EXOC4: variants seen among roughly 807,000 people sequenced by gnomAD.
EXOC4 encodes the protein exocyst complex component 4, also known as SEC8-like 1.
In EXOC4, 71 loss-of-function variants were observed where a neutral mutation model predicts 107.2. The ratio of observed to expected loss-of-function variants is 0.66; its 90% CI spans 0.55 to 0.81. The LOEUF (loss-of-function observed/expected upper bound fraction) is 0.81. EXOC4 is among the 30% of genes least tolerant of loss of function. EXOC4 has a pLI of 0.00. For synonymous variants in EXOC4, 456 were observed against 441.2 expected (o/e 1.03, Z -0.42); for missense variants, 1,108 against 1,189.6 (o/e 0.93, Z 1.01).
chr7:133,432,003 T>A (rs552991434), intron 7 of EXOC4, among the ~76,000 whole-genome samples: 1 of 152,302 alleles, frequency 6.6e-6, no homozygotes, highest in South Asian at 2.1e-4. Flanking sequence ...GATTGATACC[T>A]GGTATTTAAA....
intron 5 of EXOC4, among the ~76,000 whole-genome samples, chr7:133,345,709 C>CACTTTCACGT (rs1438336094): frequency 2.3e-4 from 35 of 152,268 alleles, no homozygotes; most frequent in Middle Eastern, 3.4e-3. Context: ...CCTCTTGGCC[C>CACTTTCACGT]ACTTTCACGT....
intron 10 of EXOC4, among the ~76,000 whole-genome samples, chr7:133,706,396 TATTTAC>T (rs1562917163): frequency 1.3e-5 from 2 of 152,228 alleles, no homozygotes; most frequent in African/African-American, 4.8e-5. Flanking sequence ...TTTGTACTTA[TATTTAC>T]ATTTATACAC....
chr7:133,445,100 C>G (rs1387696759), intron 7 of EXOC4, among the ~76,000 whole-genome samples: 1 of 151,990 alleles, frequency 6.6e-6, no homozygotes, highest in Non-Finnish European at 1.5e-5. Flanking sequence ...CAAGTTCCTC[C>G]TGTCATGTAC....
chr7:133,523,140 T>G (rs1181212314), intron 9 of EXOC4, among the ~76,000 whole-genome samples: 1 of 152,178 alleles, frequency 6.6e-6, no homozygotes, highest in Non-Finnish European at 1.5e-5. Context: ...TGCTTGAGAC[T>G]GCCCCCTTCT....
rs969219889 is a variant in EXOC4, at chr7:133,433,452, T to C, written c.1183-41876T>C. On this transcript the variant is annotated intron_variant, in intron 7 of 17. Coordinates refer to ENST00000253861, the MANE Select transcript of EXOC4 (RefSeq NM_021807.4). ...AGAAGAACATGCTTCTAGTAGCTGCTAATTCAAGAAGGATGAAAAGCACTG... is the reference window on the plus strand; with the variant it reads ...AGAAGAACATGCTTCTAGTAGCTGCCAATTCAAGAAGGATGAAAAGCACTG... Among the ~76,000 whole-genome samples, 49 of 152,240 alleles carry C rather than the reference T, an allele frequency of 3.2e-4. 2 individuals carry two copies. Among genetic ancestry groups the C allele is most frequent in the African/African-American group, 1.2e-3 (49 of 41,454 alleles).
chr7:133,669,603 C>T (rs941126478), intron 10 of EXOC4, among the ~76,000 whole-genome samples: 1 of 149,280 alleles, frequency 6.7e-6, no homozygotes, highest in African/African-American at 2.5e-5. Flanking sequence ...CTGTGTTTAA[C>T]ATGTGAGAAG....
intron 17 of EXOC4, among the ~76,000 whole-genome samples, chr7:134,058,074 A>G (rs933596736): frequency 5.9e-5 from 9 of 152,124 alleles, no homozygotes; most frequent in Admixed American, 1.3e-4. Flanking sequence ...CCCTGTTATT[A>G]TCATAGATAC....
chr7:133,628,010 A>T (rs1442964037), intron 9 of EXOC4, among the ~76,000 whole-genome samples: 2 of 152,180 alleles, frequency 1.3e-5, no homozygotes, highest in East Asian at 3.9e-4. Flanking sequence ...TAAGATAGAT[A>T]ATAAATCAAG....
At chr7:133,929,688 C>T (rs537074288) in intron 13 of EXOC4, among the ~76,000 whole-genome samples, 9 of 152,158 alleles carry the variant, frequency 5.9e-5, no homozygotes, top group Non-Finnish European at 1.2e-4. Flanking sequence ...AAACATAGTA[C>T]CCGATGGGTA....
intron 7 of EXOC4, among the ~76,000 whole-genome samples, chr7:133,452,878 C>T (rs1584928978): frequency 6.6e-6 from 1 of 151,964 alleles, no homozygotes; most frequent in Admixed American, 6.6e-5. Context: ...TTGTGGAATT[C>T]GATAGTCCAT....
chr7:134,064,834 T>C lies in EXOC4; in HGVS notation c.*306T>C, dbSNP rs1796148375. 5.5e-6 allele frequency: 1 copy of C among 181,860 alleles called. No individual in the cohort carries two copies. Among genetic ancestry groups the C allele is most frequent in the Non-Finnish European group, 1.1e-5 (1 of 87,482 alleles). 11.3% of individuals were successfully genotyped at this position (181,860 alleles called of 1,614,324 possible). ...AAAACAAGTGGATGGATTACTAATA[T>C]TTGATTTATTACTCAATATATATAT... is the stretch of plus-strand genomic sequence containing the variant. On this transcript the variant is annotated 3_prime_UTR_variant, in exon 18 of 18. Coordinates refer to ENST00000253861, the MANE Select transcript of EXOC4 (RefSeq NM_021807.4).
At position 133,331,461 on chromosome 7, in the gene EXOC4, CTTTTTTTTTTT is replaced by C. The variant is rs58568173; in HGVS notation, c.763+14084_763+14094del. Among the ~76,000 whole-genome samples, 60 of 85,602 alleles carry C rather than the reference CTTTTTTTTTTT, an allele frequency of 7.0e-4. 1 individual carries two copies. The East Asian group carries it at 0.011, about 15-fold the overall frequency. The allele number at this position is 85,602 out of a possible 152,430, so 56.2% of individuals were successfully genotyped here. ...TCAGGTATTATCTTCTTTCTTTTTT[CTTTTTTTTTTT>C]TTTTTTTTTTTTGAGATGGAGTCTC... On this transcript the variant is annotated intron_variant, in intron 5 of 17. Coordinates refer to ENST00000253861, the MANE Select transcript of EXOC4 (RefSeq NM_021807.4).
intron 10 of EXOC4, among the ~76,000 whole-genome samples, chr7:133,654,106 T>C (rs1028035999): frequency 6.6e-6 from 1 of 152,142 alleles, no homozygotes; most frequent in Non-Finnish European, 1.5e-5. Context: ...CACTGGGTGG[T>C]CTCTGTCATT....
chr7:134,035,026 T>C (rs1795355935), intron 17 of EXOC4, among the ~76,000 whole-genome samples: 1 of 150,918 alleles, frequency 6.6e-6, no homozygotes, highest in Non-Finnish European at 1.5e-5. Flanking sequence ...AAAGGTTTTT[T>C]TTCTTTTTTC....
intron 9 of EXOC4, among the ~76,000 whole-genome samples, chr7:133,615,465 G>T (rs1319060948): frequency 2.6e-5 from 4 of 152,108 alleles, no homozygotes; most frequent in African/African-American, 4.8e-5. Flanking sequence ...AAGGCTGCTG[G>T]TCAACAGTAG....
intron 5 of EXOC4, among the ~76,000 whole-genome samples, chr7:133,351,583 A>G (rs1289755412): frequency 6.6e-6 from 1 of 151,784 alleles, no homozygotes; most frequent in Admixed American, 6.6e-5. Flanking sequence ...TTTTTTTCTT[A>G]GTTCACCTGG....
chr7:134,056,104 G>T (rs866223299), intron 17 of EXOC4, among the ~76,000 whole-genome samples: 2 of 152,044 alleles, frequency 1.3e-5, no homozygotes, highest in African/African-American at 4.8e-5. Flanking sequence ...GTGCTAATTG[G>T]GTTAAATGAT....
At chr7:133,576,658 G>A in intron 9 of EXOC4, 1 of 1,289,742 alleles carries the variant, frequency 7.8e-7, no homozygotes, top group Non-Finnish European at 1.0e-6. Context: ...AGTTGAAAAA[G>A]AAACAATCAG....
chr7:133,539,938 A>G lies in EXOC4; in HGVS notation c.1417+59800A>G, dbSNP rs185971903. On this transcript the variant is annotated intron_variant, in intron 9 of 17. Coordinates refer to ENST00000253861, the MANE Select transcript of EXOC4 (RefSeq NM_021807.4). ...CATGCCCTAGGGGCACATGTGCTGTAGAGGTAATGAGTTCACTGGAGGAAA... is the reference window on the plus strand; with the variant it reads ...CATGCCCTAGGGGCACATGTGCTGTGGAGGTAATGAGTTCACTGGAGGAAA... Among the ~76,000 whole-genome samples the G allele has an allele frequency of 6.6e-5, 10 of 152,252 alleles. No homozygotes were observed. The East Asian group carries it at 1.9e-3, about 29-fold the overall frequency.
Sources: gnomAD v4.1 joint callset for allele counts (sites outside exome capture counted in the v4.1 genomes callset) on GRCh38, gnomAD v4.1.1 for gene constraint, MANE v1.5 for transcripts, NCBI Gene and HGNC (gene_info 2026-07-23, HGNC 2026-07-21) for gene names.